Variants in CCBE1 observed in about 807,000 individuals in gnomAD.
The protein encoded by CCBE1 is collagen and calcium binding EGF domains 1, also known as collagen and calcium-binding EGF domain-containing protein 1.
Under a neutral mutation model 50.0 loss-of-function variants are expected in CCBE1, and 37 were observed. That is an observed-to-expected ratio of 0.74 (90% confidence interval 0.57 to 0.97). CCBE1 has a LOEUF of 0.97. Among genes scored for constraint, CCBE1 ranks in the 50% least tolerant of loss-of-function variants. CCBE1 has a pLI of 0.00. For missense variants in CCBE1, 538 were observed against 523.8 expected (o/e 1.03, Z -0.26); for synonymous variants, 234 against 203.7 (o/e 1.15, Z -1.27).
intron 7 of CCBE1, among the ~76,000 whole-genome samples, chr18:59,443,225 T>G (rs563388352): frequency 6.6e-6 from 1 of 152,242 alleles, no homozygotes. Context: ...TTGGGTTGGG[T>G]TAGCGGCGCT....
intron 2 of CCBE1, among the ~76,000 whole-genome samples, chr18:59,686,865 G>C (rs907701391): frequency 2.0e-5 from 3 of 152,190 alleles, no homozygotes; most frequent in African/African-American, 7.2e-5. Flanking sequence ...AACTTTCTCA[G>C]AGATAAAAGC....
chr18:59,540,397 CAG>C (rs1915422513), intron 2 of CCBE1, among the ~76,000 whole-genome samples: 1 of 152,140 alleles, frequency 6.6e-6, no homozygotes, highest in Non-Finnish European at 1.5e-5. Flanking sequence ...TGAAATAATT[CAG>C]AGTCAAATAT....
At chr18:59,598,920 A>G (rs141986490) in intron 2 of CCBE1, among the ~76,000 whole-genome samples, 1 of 152,332 alleles carries the variant, frequency 6.6e-6, no homozygotes, top group African/African-American at 2.4e-5. Context: ...CCCGAGAAGG[A>G]AGTCAACACA....
intron 2 of CCBE1, among the ~76,000 whole-genome samples, chr18:59,512,898 C>G (rs1914194739): frequency 6.6e-6 from 1 of 152,288 alleles, no homozygotes; most frequent in East Asian, 1.9e-4. Context: ...GCACCCACAG[C>G]CTGAGAAACC....
In CCBE1 at chr18:59,696,759, G is replaced by A. The variant is rs751412446; in HGVS notation, c.132-50C>T. The A allele has an allele frequency of 2.5e-6, 4 of 1,586,574 alleles. No individual in the cohort carries two copies. The South Asian group carries it at 4.4e-5, about 18-fold the overall frequency. ...TTCGATTCTCAGCGGGAGAGCGGAG[G>A]CGGGCAGCGCGCGCTGGGGAATCCC... On this transcript the variant is annotated intron_variant, in intron 1 of 10. Transcript: ENST00000439986.
intron 2 of CCBE1, among the ~76,000 whole-genome samples, chr18:59,615,688 G>A (rs1035214268): frequency 2.6e-5 from 4 of 152,042 alleles, no homozygotes; most frequent in South Asian, 2.1e-4. Flanking sequence ...CAGCTGCCTC[G>A]TTCCATAAGG....
At chr18:59,493,659 C>T (rs1281573093) in intron 2 of CCBE1, among the ~76,000 whole-genome samples, 1 of 152,136 alleles carries the variant, frequency 6.6e-6, no homozygotes, top group Non-Finnish European at 1.5e-5. Flanking sequence ...CACCTCTTCC[C>T]TGAACTGCGT....
At chr18:59,683,424 G>A (rs2054617970) in intron 2 of CCBE1, among the ~76,000 whole-genome samples, 1 of 152,192 alleles carries the variant, frequency 6.6e-6, no homozygotes, top group Non-Finnish European at 1.5e-5. Flanking sequence ...GGCCAGGCGG[G>A]GTGGCTCACG....
At chr18:59,486,099 G>A (rs969908355) in intron 2 of CCBE1, among the ~76,000 whole-genome samples, 4 of 152,092 alleles carry the variant, frequency 2.6e-5, no homozygotes, top group African/African-American at 7.2e-5. Flanking sequence ...TCTTGGCCTT[G>A]CTCCTTAATC....
chr18:59,532,802 A>G (rs1300434162), intron 2 of CCBE1, among the ~76,000 whole-genome samples: 1 of 152,228 alleles, frequency 6.6e-6, no homozygotes, highest in African/African-American at 2.4e-5. Flanking sequence ...TTTCAAATTA[A>G]TCTTTCCTCC....
At chr18:59,617,064 T>C (rs931089505) in intron 2 of CCBE1, among the ~76,000 whole-genome samples, 2 of 152,202 alleles carry the variant, frequency 1.3e-5, no homozygotes, top group African/African-American at 2.4e-5. Flanking sequence ...CAAGATTTAG[T>C]AGTCACATAG....
At chr18:59,653,115 C>T (rs1448249321) in intron 2 of CCBE1, among the ~76,000 whole-genome samples, 1 of 152,212 alleles carries the variant, frequency 6.6e-6, no homozygotes, top group Non-Finnish European at 1.5e-5. Flanking sequence ...TCCAAAAAGT[C>T]AGCATGTATA....
intron 2 of CCBE1, among the ~76,000 whole-genome samples, chr18:59,569,185 T>C (rs2052871290): frequency 6.6e-6 from 1 of 152,346 alleles, no homozygotes; most frequent in East Asian, 1.9e-4. Flanking sequence ...TAGAAAGCTA[T>C]AGCATCTGTC....
intron 2 of CCBE1, among the ~76,000 whole-genome samples, chr18:59,652,359 C>T (rs562294544): frequency 2.0e-5 from 3 of 152,182 alleles, no homozygotes; most frequent in African/African-American, 7.2e-5. Flanking sequence ...TCAATAGCAC[C>T]GTTGGGACTC....
chr18:59,480,019 A>G (rs17780197), intron 3 of CCBE1, among the ~76,000 whole-genome samples, 167 bp downstream of exon 3: 4,995 of 152,358 alleles, frequency 0.033, 472 homozygotes, highest in East Asian at 0.25. Flanking sequence ...CACGCTACAT[A>G]TAACAAAATT....
chr18:59,491,218 C>T (rs886636762), intron 2 of CCBE1, among the ~76,000 whole-genome samples: 1 of 152,158 alleles, frequency 6.6e-6, no homozygotes, highest in African/African-American at 2.4e-5. Context: ...AAAAATTGTT[C>T]ACCATGGTTA....
chr18:59,653,310 C>A (rs971917613), intron 2 of CCBE1, among the ~76,000 whole-genome samples: 4 of 152,194 alleles, frequency 2.6e-5, no homozygotes, highest in African/African-American at 9.7e-5. Context: ...AAGGTCCTTC[C>A]TTCAAGAAAG....
At chr18:59,471,142 G>A (rs1431534100) in intron 3 of CCBE1, among the ~76,000 whole-genome samples, 4 of 152,204 alleles carry the variant, frequency 2.6e-5, no homozygotes, top group African/African-American at 7.2e-5. Flanking sequence ...CAGCTGGGAA[G>A]GGGAAGAAGG....
intron 2 of CCBE1, among the ~76,000 whole-genome samples, chr18:59,541,798 T>C (rs767874704): frequency 9.9e-5 from 15 of 152,082 alleles, no homozygotes; most frequent in Non-Finnish European, 1.8e-4. Context: ...AGAAGACAGA[T>C]TAGCCTTCTT....
Sources: gnomAD v4.1 joint callset for allele counts (sites outside exome capture counted in the v4.1 genomes callset) on GRCh38, gnomAD v4.1.1 for gene constraint, MANE v1.5 for transcripts, NCBI Gene and HGNC (gene_info 2026-07-23, HGNC 2026-07-21) for gene names.